Variants in ERBB4 observed in about 807,000 individuals in gnomAD.
The protein encoded by ERBB4 is receptor tyrosine-protein kinase erbB-4.
Under a neutral mutation model 158.0 loss-of-function variants are expected in ERBB4, and 42 were observed. The observed-to-expected ratio is 0.27, with a 90% CI of 0.21 to 0.34. ERBB4 has a LOEUF of 0.34. Ranked by LOEUF, ERBB4 falls within the 10% of genes least tolerant of loss-of-function variation. The probability of loss-of-function intolerance (pLI) is 1.00; values close to 1 mark genes in which losing one functional copy is unlikely to be tolerated. For synonymous variants in ERBB4, 583 were observed against 558.7 expected, an observed-to-expected ratio of 1.04 and a Z score of -0.61; for missense variants, 1,333 against 1,624.1, an observed-to-expected ratio of 0.82 and a Z score of 3.08.
rs556378676 is a variant in ERBB4, at chr2:211,481,310, G to A, written c.2488-50210C>T. Reference sequence around the variant, plus strand: ...GTGAACACACATGTTTGAATTCTAAGAGATTGATACTATCCCTATTAATTT... The same window carrying A: ...GTGAACACACATGTTTGAATTCTAAAAGATTGATACTATCCCTATTAATTT... On this transcript the variant is annotated intron_variant, in intron 20 of 27. Transcript: ENST00000342788. Among the ~76,000 whole-genome samples the A allele has an allele frequency of 3.2e-4, 48 of 152,232 alleles. 1 individual carries two copies. The highest frequency in any genetic ancestry group is 1.1e-3 in the African/African-American group (45 of 41,552).
At chr2:211,962,910 CT>C (rs1471962018) in intron 2 of ERBB4, among the ~76,000 whole-genome samples, 1 of 152,080 alleles carries the variant, frequency 6.6e-6, no homozygotes, top group African/African-American at 2.4e-5. Context: ...TTTCGGTTAT[CT>C]GATGTTAAAC....
At chr2:211,529,584 T>G (rs1427539896) in intron 20 of ERBB4, among the ~76,000 whole-genome samples, 2 of 152,000 alleles carry the variant, frequency 1.3e-5, no homozygotes, top group African/African-American at 4.8e-5. Context: ...TGAACACTGA[T>G]GCAAAAATTT....
chr2:211,919,733 G>A (rs558696678), intron 3 of ERBB4, among the ~76,000 whole-genome samples: 1 of 152,078 alleles, frequency 6.6e-6, no homozygotes, highest in South Asian at 2.1e-4. Flanking sequence ...CACCTCAGAA[G>A]TTAGAAGTTG....
intron 25 of ERBB4, among the ~76,000 whole-genome samples, chr2:211,405,068 A>T (rs1437584268): frequency 6.6e-6 from 1 of 152,188 alleles, no homozygotes; most frequent in Non-Finnish European, 1.5e-5. Context: ...GCTGCACTAC[A>T]TCCTCATATA....
At chr2:212,225,017 G>C (rs1230175016) in intron 1 of ERBB4, among the ~76,000 whole-genome samples, 1 of 151,746 alleles carries the variant, frequency 6.6e-6, no homozygotes, top group Non-Finnish European at 1.5e-5. Context: ...ATTTTTTCCT[G>C]AACCATTTTT....
chr2:212,262,461 T>C (rs1190721253), intron 1 of ERBB4, among the ~76,000 whole-genome samples: 1 of 152,082 alleles, frequency 6.6e-6, no homozygotes, highest in Non-Finnish European at 1.5e-5. Context: ...AGAAGTACTA[T>C]GAAAGAAAAA....
intron 3 of ERBB4, among the ~76,000 whole-genome samples, chr2:211,928,137 A>G (rs2080070228): frequency 6.6e-6 from 1 of 152,172 alleles, no homozygotes; most frequent in Non-Finnish European, 1.5e-5. Flanking sequence ...AGCAAGAATG[A>G]TTCACTAAGG....
At chr2:212,174,960 T>C (rs1433856925) in intron 1 of ERBB4, among the ~76,000 whole-genome samples, 5 of 152,072 alleles carry the variant, frequency 3.3e-5, no homozygotes, top group Non-Finnish European at 7.4e-5. Context: ...ACTACAGTTA[T>C]ATCAAACTGG....
At chr2:212,183,600 T>G (rs2081935991) in intron 1 of ERBB4, among the ~76,000 whole-genome samples, 1 of 152,068 alleles carries the variant, frequency 6.6e-6, no homozygotes, top group South Asian at 2.1e-4. Context: ...TTCATATACC[T>G]TTTAACTTTC....
chr2:211,726,580 A>C lies in ERBB4; in HGVS notation c.623-1386T>G, dbSNP rs146844365. On this transcript the variant is annotated intron_variant, in intron 5 of 27. Transcript: ENST00000342788. ...TTATCATCACTTCTCCTACCTAATA[A>C]AATTGCCAAGTATTAGCAATAGTTT... Among the ~76,000 whole-genome samples, 771 of 152,228 alleles carry C rather than the reference A, an allele frequency of 5.1e-3. 5 individuals are homozygous for C. Among genetic ancestry groups the C allele is most frequent in the African/African-American group, 0.018 (748 of 41,538 alleles).
chr2:211,705,336 T>C lies in ERBB4; in HGVS notation c.1180A>G (p.Thr394Ala), dbSNP rs755152819. 1 of 1,611,434 alleles carries C rather than the reference T, an allele frequency of 6.2e-7. No homozygotes were observed. Among genetic ancestry groups the C allele is most frequent in the Admixed American group, 1.7e-5 (1 of 60,012 alleles). Residue 394 changes from threonine to alanine, a missense_variant, in exon 10 of 28, where the codon ACA becomes GCA. By Grantham distance (58) the Thr-to-Ala change is moderately conservative. Coordinates refer to ENST00000342788, the MANE Select transcript of ERBB4 (RefSeq NM_005235.3). Reference protein sequence around the residue: ...IDPEKLNVFRTVREITGFLNI... With the variant: ...IDPEKLNVFRAVREITGFLNI... ...AAATTACCTGTTATCTCTCTGACTG[T>C]CCGAAAGACGTTCAGTTTCTCTGGG...
chr2:212,157,283 G>A (rs567043528), intron 1 of ERBB4, among the ~76,000 whole-genome samples: 7 of 152,166 alleles, frequency 4.6e-5, no homozygotes, highest in African/African-American at 7.2e-5. Flanking sequence ...CTTGTGGGAT[G>A]TTATCCCTGG....
Position 211,424,246 on chromosome 2 carries a change from T to G in ERBB4, c.2775A>C (p.Pro925=). The G allele has an allele frequency of 6.2e-7, 1 of 1,613,276 alleles. No homozygotes were observed. The change falls in exon 23 of 28, where the codon CCA becomes CCC. Residue 925 remains proline, a synonymous_variant. Coordinates refer to ENST00000342788, the MANE Select transcript of ERBB4 (RefSeq NM_005235.3). ...CTAATAAATCAGGGATTTCTCGCGT[T>G]GGAATTCCATCATAGGGTTTTCCTC... ...TFGGKPYDGI[P]TREIPDLLEK...
chr2:212,397,520 G>C (rs78806892), intron 1 of ERBB4, among the ~76,000 whole-genome samples: 2,760 of 151,076 alleles, frequency 0.018, 75 homozygotes, highest in East Asian at 0.065. Flanking sequence ...AGGGGGGAAG[G>C]GGGGAAGGGA....
intron 2 of ERBB4, among the ~76,000 whole-genome samples, chr2:211,976,169 G>T (rs750590118): frequency 1.3e-5 from 2 of 152,028 alleles, no homozygotes; most frequent in Non-Finnish European, 2.9e-5. Context: ...TTATTCCACT[G>T]GAATTTTATA....
intron 20 of ERBB4, among the ~76,000 whole-genome samples, chr2:211,558,710 A>G (rs1207966972): frequency 4.6e-5 from 7 of 152,092 alleles, no homozygotes; most frequent in Non-Finnish European, 2.9e-5. Flanking sequence ...CAACATATAA[A>G]CATAGTGTTT....
intron 1 of ERBB4, among the ~76,000 whole-genome samples, chr2:212,419,506 G>A (rs1296159931): frequency 6.6e-6 from 1 of 151,788 alleles, no homozygotes; most frequent in Non-Finnish European, 1.5e-5. Context: ...TACTACCTGT[G>A]TTAAGATACT....
chr2:212,506,720 G>C (rs1691215186), intron 1 of ERBB4, among the ~76,000 whole-genome samples: 1 of 152,194 alleles, frequency 6.6e-6, no homozygotes, highest in Non-Finnish European at 1.5e-5. Flanking sequence ...TTGGAAGCTA[G>C]CCGAGATTGG....
chr2:211,561,374 C>T (rs1053091470), intron 20 of ERBB4, among the ~76,000 whole-genome samples: 2 of 152,182 alleles, frequency 1.3e-5, no homozygotes, highest in South Asian at 2.1e-4. Context: ...CACCCCAGAA[C>T]ACTGCCCTTA....
Sources: gnomAD v4.1 joint callset for allele counts (sites outside exome capture counted in the v4.1 genomes callset) on GRCh38, gnomAD v4.1.1 for gene constraint, MANE v1.5 for transcripts, NCBI Gene and HGNC (gene_info 2026-07-23, HGNC 2026-07-21) for gene names.